Variants in LAMA2 observed in about 807,000 individuals in gnomAD.
LAMA2 encodes laminin subunit alpha 2.
In LAMA2, 269 loss-of-function variants were observed where a neutral mutation model predicts 364.8. That is an observed-to-expected ratio of 0.74 (90% CI 0.67 to 0.82). The LOEUF is 0.82. Ranked by LOEUF, LAMA2 falls within the 40% of genes least tolerant of loss-of-function variation. The probability of loss-of-function intolerance (pLI) is 0.00; values close to 1 mark genes in which losing one functional copy is unlikely to be tolerated. For synonymous variants in LAMA2, 1,379 were observed against 1,370.6 expected, an observed-to-expected ratio of 1.01 and a Z score of -0.14; for missense variants, 3,807 against 3,873.2, an observed-to-expected ratio of 0.98 and a Z score of 0.45.
chr6:129,051,715 T>C (rs989877265), intron 2 of LAMA2, among the ~76,000 whole-genome samples: 11 of 99,254 alleles, frequency 1.1e-4, no homozygotes, highest in African/African-American at 4.6e-4. Flanking sequence ...GATATCTATA[T>C]CTATAGATAG....
chr6:129,464,537 G>A, intron 50 of LAMA2, 85 bp downstream of exon 50: 3 of 1,162,510 alleles, frequency 2.6e-6, no homozygotes, highest in Non-Finnish European at 3.9e-6. Context: ...ATCAGTTATT[G>A]GTAAAATTAT....
At chr6:128,917,297 G>A (rs1395752185) in intron 1 of LAMA2, among the ~76,000 whole-genome samples, 1 of 152,022 alleles carries the variant, frequency 6.6e-6, no homozygotes, top group African/African-American at 2.4e-5. Context: ...AATTGGTTGA[G>A]TACCTTGAAG....
intron 1 of LAMA2, among the ~76,000 whole-genome samples, chr6:128,910,638 G>C (rs921036483): frequency 2.6e-5 from 4 of 152,112 alleles, no homozygotes; most frequent in African/African-American, 9.6e-5. Context: ...CTCTCAGCTC[G>C]TCAAAGTCGT....
At chr6:129,228,369 T>C (rs2115120507) in intron 12 of LAMA2, among the ~76,000 whole-genome samples, 1 of 152,208 alleles carries the variant, frequency 6.6e-6, no homozygotes, top group African/African-American at 2.4e-5. Flanking sequence ...CCCAGTGAGG[T>C]GAACCTGGTA....
chr6:129,311,094 G>T (rs917242891), intron 22 of LAMA2, among the ~76,000 whole-genome samples: 1 of 151,750 alleles, frequency 6.6e-6, no homozygotes, highest in African/African-American at 2.4e-5. Context: ...CTGGGCTCCC[G>T]TGCTAAATAA....
Position 129,297,825 on chromosome 6 carries a change from T to C in LAMA2, c.2997T>C (p.Cys999=), listed in dbSNP as rs1481115911. ...PGVTGKKCDR[C]AHGYFNFQEG... is the part of the protein sequence containing the mutation. ...TCACAGGGAAGAAATGTGACCGCTG[T>C]GCCCACGGCTATTTCAACTTCCAAG... The change falls in exon 21 of 65, where the codon TGT becomes TGC. Residue 999 remains cysteine, a synonymous_variant. Transcript: ENST00000421865. The C allele has an allele frequency of 6.2e-7, 1 of 1,613,988 alleles. No individual in the cohort carries two copies. Among genetic ancestry groups the C allele is most frequent in the Admixed American group, 1.7e-5 (1 of 59,970 alleles).
chr6:129,062,005 CAGTT>C (rs201745192), intron 3 of LAMA2, among the ~76,000 whole-genome samples: 1,821 of 152,184 alleles, frequency 0.012, 37 homozygotes, highest in African/African-American at 0.042. Context: ...TTAATTTAGT[CAGTT>C]ATTTAGTGAT....
At chr6:129,221,639 G>T (rs902717745) in intron 12 of LAMA2, among the ~76,000 whole-genome samples, 9 of 151,984 alleles carry the variant, frequency 5.9e-5, no homozygotes, top group Non-Finnish European at 1.2e-4. Context: ...GAATCAACCA[G>T]ATTTCTTATA....
At chr6:129,438,311 T>C (rs1029503919) in intron 41 of LAMA2, among the ~76,000 whole-genome samples, 1 of 151,874 alleles carries the variant, frequency 6.6e-6, no homozygotes, top group African/African-American at 2.4e-5. Flanking sequence ...ATGGGAGTGA[T>C]AACAAGAGGG....
At chr6:129,062,184 C>G (rs1321088634) in intron 3 of LAMA2, among the ~76,000 whole-genome samples, 1 of 152,122 alleles carries the variant, frequency 6.6e-6, no homozygotes, top group East Asian at 1.9e-4. Flanking sequence ...GCACTGGCAA[C>G]AGAGAAAATG....
In LAMA2 at chr6:129,280,055, A is replaced by G. The variant is rs896691971; in HGVS notation, c.2451-6A>G. The G allele has an allele frequency of 2.5e-6, 4 of 1,605,358 alleles. No individual in the cohort carries two copies. Among genetic ancestry groups the G allele is most frequent in the East Asian group, 4.5e-5 (2 of 44,846 alleles). On this transcript the variant is annotated splice_polypyrimidine_tract_variant and splice_region_variant and intron_variant, in intron 17 of 64. Coordinates refer to ENST00000421865, the MANE Select transcript of LAMA2 (RefSeq NM_000426.4). ...GTCCCTGTTTTCCGCAACAACATCA[A>G]CATAGCTTTAGCCCAACGTGCCATT...
Position 129,366,240 on chromosome 6 carries a change from G to A in LAMA2, c.4739G>A (p.Gly1580Asp). The change falls in exon 33 of 65, where the codon GGC (glycine) becomes GAC (aspartate). Residue 1580 changes from glycine (G) to aspartate (D), a missense_variant. Around this residue, in one of 3 missense-constraint regions of LAMA2, gnomAD observed 3,333 missense variants for 3,345.7 expected, o/e 1.00. Coordinates refer to ENST00000421865, the MANE Select transcript of LAMA2 (RefSeq NM_000426.4). ...ACAGTTTGTGGAGATGAGTGCACTG[G>A]CCTTCTTCTCGGTGACTTGGCTCGC... is the stretch of plus-strand genomic sequence containing the variant. ...ECVFCGDECT[G>D]LLLGDLARLE... The A allele has an allele frequency of 6.2e-7, 1 of 1,613,748 alleles. No individual in the cohort carries two copies. Among genetic ancestry groups the A allele is most frequent in the South Asian group, 1.1e-5 (1 of 91,014 alleles).
intron 12 of LAMA2, among the ~76,000 whole-genome samples, chr6:129,208,759 G>A (rs965126348): frequency 2.7e-5 from 4 of 149,200 alleles, no homozygotes; most frequent in African/African-American, 1.0e-4. Context: ...GGAAGGAAGA[G>A]GAAGCAGGGA....
intron 1 of LAMA2, among the ~76,000 whole-genome samples, chr6:129,036,300 G>A (rs1172622158): frequency 2.6e-5 from 4 of 152,066 alleles, no homozygotes; most frequent in African/African-American, 4.8e-5. Flanking sequence ...AATTTATGGT[G>A]TAATCCTATC....
rs1774559094 is a variant in LAMA2, at chr6:129,315,768, G to T, written c.3742G>T (p.Ala1248Ser). 6.2e-7 allele frequency: 1 copy of T among 1,613,942 alleles called. No individual in the cohort carries two copies. Among genetic ancestry groups the T allele is most frequent in the Non-Finnish European group, 8.5e-7 (1 of 1,179,952 alleles). The change falls in exon 26 of 65, where the codon GCC becomes TCC. Residue 1248 changes from alanine to serine, a missense_variant. By Grantham distance (99) the Ala-to-Ser change is moderately conservative. This residue lies in a region of LAMA2 where 3,333 missense variants were observed against 3,345.7 expected (regional missense o/e 1.00). Coordinates refer to ENST00000421865, the MANE Select transcript of LAMA2 (RefSeq NM_000426.4). The stretch of plus-strand genomic sequence containing the variant: ...CTTCTTTTTATTTTGTCAGTTGATG[G>T]CCTATGGGGGCAAACTCAAGTATGC... ...PEQFEGKKLM[A>S]YGGKLKYAIY...
At chr6:129,324,317 A>C (rs1206549673) in intron 28 of LAMA2, among the ~76,000 whole-genome samples, 1 of 152,220 alleles carries the variant, frequency 6.6e-6, no homozygotes, top group Admixed American at 6.5e-5. Context: ...TGAAAAGCAG[A>C]ACCTACCATT....
chr6:129,315,491 G>A lies in LAMA2; in HGVS notation c.3571G>A (p.Glu1191Lys). ...CCCCTTGCAGGTGACTCTGAAGGCT[G>A]AGCAGACCATTCTACCCCTGGTAGA... is the stretch of plus-strand genomic sequence containing the variant. Reference protein sequence around the residue: ...LIRTWVTLKAEQTILPLVDEA... With the variant: ...LIRTWVTLKAKQTILPLVDEA... The change falls in exon 25 of 65, where the codon GAG (glutamate) becomes AAG (lysine). Residue 1191 changes from glutamate to lysine, a missense_variant. This residue lies in a region of LAMA2 where 3,333 missense variants were observed against 3,345.7 expected (regional missense o/e 1.00). Coordinates refer to ENST00000421865, the MANE Select transcript of LAMA2 (RefSeq NM_000426.4). 6.2e-7 allele frequency: 1 copy of A among 1,614,126 alleles called. No homozygotes were observed. The highest frequency in any genetic ancestry group is 8.5e-7 in the Non-Finnish European group (1 of 1,179,992).
At chr6:129,446,569 G>C (rs73775418) in intron 45 of LAMA2, among the ~76,000 whole-genome samples, 8,084 of 34,962 alleles carry the variant, frequency 0.23, 1,550 homozygotes, top group African/African-American at 0.26. Flanking sequence ...GGAGGGGAGG[G>C]GAGGGGAGGG....
At chr6:128,961,085 T>A (rs1781461133) in intron 1 of LAMA2, among the ~76,000 whole-genome samples, 1 of 151,660 alleles carries the variant, frequency 6.6e-6, no homozygotes. Flanking sequence ...GGTAGGCTAT[T>A]TTTATGGACA....
Sources: gnomAD v4.1 joint callset for allele counts (sites outside exome capture counted in the v4.1 genomes callset) on GRCh38, gnomAD v4.1.1 for gene constraint, gnomAD v4.1.1 regional missense constraint, MANE v1.5 for transcripts, NCBI Gene and HGNC (gene_info 2026-07-23, HGNC 2026-07-21) for gene names.